Variants in FBXO39 observed in about 807,000 individuals in gnomAD.
The protein encoded by FBXO39 is F-box only protein 39.
FBXO39 carries 22 observed loss-of-function variants against 36.6 expected under a neutral mutation model. That is an observed-to-expected ratio of 0.60 (90% CI 0.43 to 0.86). FBXO39 has a LOEUF of 0.86. FBXO39 is among the 40% of genes least tolerant of loss of function. FBXO39 has a pLI of 0.00. For missense variants in FBXO39, 536 were observed against 543.9 expected, an observed-to-expected ratio of 0.99 and a Z score of 0.14; for synonymous variants, 206 against 205.8, an observed-to-expected ratio of 1.00 and a Z score of -0.01.
rs1976590450 is a variant in FBXO39 at position 6,787,453 on chromosome 17, C to G, written c.*25C>G. ...ATGAGCACTCTACAGATGAAGAAAG[C>G]TGGGAGCACTTTGAACTTGAAAATC... is the stretch of plus-strand genomic sequence containing the variant. On this transcript the variant is annotated 3_prime_UTR_variant, in exon 4 of 4. Transcript: ENST00000321535. The G allele has an allele frequency of 6.2e-7, 1 of 1,612,340 alleles. No homozygotes were observed. Among genetic ancestry groups the G allele is most frequent in the East Asian group, 2.2e-5 (1 of 44,848 alleles).
chr17:6,780,513 G>C lies in FBXO39; in HGVS notation c.645G>C (p.Gln215His), dbSNP rs1246341334. The C allele has an allele frequency of 6.2e-7, 1 of 1,614,098 alleles. No individual in the cohort carries two copies. ...ACCTTGCTGTCTACAACAGCCCCCAGTTCAAAAAGACCATGTCCACATTCC... is the reference window on the plus strand; with the variant it reads ...ACCTTGCTGTCTACAACAGCCCCCACTTCAAAAAGACCATGTCCACATTCC... The part of the protein sequence containing the change: ...SHHLAVYNSP[Q>H]FKKTMSTFHN... Residue 215 changes from glutamine to histidine, a missense_variant, in exon 2 of 4, where the codon CAG (glutamine) becomes CAC (histidine). By Grantham distance (24) the Gln-to-His change is conservative. Transcript: ENST00000321535.
chr17:6,780,103 G>C lies in FBXO39; in HGVS notation c.235G>C (p.Val79Leu), dbSNP rs752366449. 4.3e-5 allele frequency: 70 copies of C among 1,614,100 alleles called. No homozygotes were observed. The highest frequency in any genetic ancestry group is 5.8e-5 in the Non-Finnish European group (68 of 1,180,054). Reference sequence around the variant, plus strand: ...ACATGCATCTGAAGTTGAGTCAGCTGTTTGGTATGTTAAGAAGTTTGGTCG... The same window carrying C: ...ACATGCATCTGAAGTTGAGTCAGCTCTTTGGTATGTTAAGAAGTTTGGTCG... The part of the protein sequence containing the change: ...RVHASEVESA[V>L]WYVKKFGRYL... Residue 79 changes from valine to leucine, a missense_variant, in exon 2 of 4, where the codon GTT becomes CTT. Physicochemically the swap from Val to Leu is conservative, Grantham distance 32. Transcript: ENST00000321535.
In FBXO39 at chr17:6,787,521, T is replaced by C; in HGVS notation, c.*93T>C. 2 of 1,463,012 alleles carry C rather than the reference T, an allele frequency of 1.4e-6. No individual in the cohort carries two copies. Among genetic ancestry groups the C allele is most frequent in the Non-Finnish European group, 9.2e-7 (1 of 1,082,532 alleles). 90.6% of individuals were successfully genotyped at this position (1,463,012 alleles called of 1,614,324 possible). A position where few individuals can be genotyped will look rare whatever the true frequency, so the allele number is the denominator to read the frequency against. On this transcript the variant is annotated 3_prime_UTR_variant, in exon 4 of 4. Coordinates refer to ENST00000321535, the MANE Select transcript of FBXO39 (RefSeq NM_153230.3). ...ACTTGGGCACTGCCGGCCCTTTTGC[T>C]CCTCTCTCTCCCCTCCACTTTTTTT...
At chr17:6,785,997 G>A (rs1976565590) in intron 2 of FBXO39, among the ~76,000 whole-genome samples, 1 of 152,180 alleles carries the variant, frequency 6.6e-6, no homozygotes, top group Non-Finnish European at 1.5e-5. Context: ...CAATCCCACT[G>A]CTAGGTGTAT....
rs1452655136 is a variant in FBXO39, at chr17:6,780,231, G to C, written c.363G>C (p.Lys121Asn). The change falls in exon 2 of 4, where the codon AAG becomes AAC. Residue 121 changes from lysine (K) to asparagine (N), a missense_variant. By Grantham distance (94) the Lys-to-Asn change is moderately conservative. Transcript: ENST00000321535. ...GGGGCCTCCTGTCTTGTCTGAGTAA[G>C]AGCAACAACCGTCTGAAATCTCTTT... ...TMRGLLSCLS[K>N]SNNRLKSLSI... 14 of 1,614,070 alleles carry C rather than the reference G, an allele frequency of 8.7e-6. No homozygotes were observed. Among genetic ancestry groups the C allele is most frequent in the Middle Eastern group, 3.3e-4 (2 of 6,084 alleles).
At chr17:6,782,508 A>G (rs1446497036) in intron 2 of FBXO39, among the ~76,000 whole-genome samples, 2 of 152,168 alleles carry the variant, frequency 1.3e-5, no homozygotes, top group Admixed American at 6.5e-5. Context: ...GAAAGACTCA[A>G]TTATCTGCTG....
chr17:6,776,798 A>G (rs1479505118), intron 1 of FBXO39, among the ~76,000 whole-genome samples: 3 of 152,092 alleles, frequency 2.0e-5, no homozygotes, highest in Non-Finnish European at 4.4e-5. Context: ...GAAAGGCACT[A>G]TTATTACCCC....
intron 1 of FBXO39, among the ~76,000 whole-genome samples, chr17:6,778,016 G>A (rs2151572323): frequency 6.6e-6 from 1 of 152,266 alleles, no homozygotes; most frequent in Non-Finnish European, 1.5e-5. Context: ...GCCCACAACT[G>A]TGCTTACTTG....
chr17:6,783,162 G>C (rs1353291054), intron 2 of FBXO39, among the ~76,000 whole-genome samples: 1 of 152,096 alleles, frequency 6.6e-6, no homozygotes, highest in Non-Finnish European at 1.5e-5. Flanking sequence ...ATATGCTCCT[G>C]AATGACCAGT....
In FBXO39 at chr17:6,780,037, C is replaced by T. The variant is rs200419578; in HGVS notation, c.169C>T (p.Arg57Trp). ...NQMMYSAELW[R>W]YRTITFSGRP... ...GATGATGTATTCTGCTGAGCTCTGGCGGTACAGAACCATCACCTTCAGCGG... is the reference window on the plus strand; with the variant it reads ...GATGATGTATTCTGCTGAGCTCTGGTGGTACAGAACCATCACCTTCAGCGG... The change falls in exon 2 of 4, where the codon CGG (arginine) becomes TGG (tryptophan). Residue 57 changes from arginine to tryptophan, a missense_variant. Arg to Trp is a moderately radical substitution (Grantham distance 101). Coordinates refer to ENST00000321535, the MANE Select transcript of FBXO39 (RefSeq NM_153230.3). 1.8e-5 allele frequency: 29 copies of T among 1,614,064 alleles called. No homozygotes were observed. Among genetic ancestry groups the T allele is most frequent in the African/African-American group, 9.3e-5 (7 of 74,920 alleles).
At chr17:6,782,229 C>T (rs889820053) in intron 2 of FBXO39, among the ~76,000 whole-genome samples, 2 of 152,028 alleles carry the variant, frequency 1.3e-5, no homozygotes, top group Admixed American at 1.3e-4. Context: ...TAATGAGTTA[C>T]AAGATATTGT....
intron 2 of FBXO39, among the ~76,000 whole-genome samples, chr17:6,782,686 T>C (rs1317438511): frequency 2.0e-5 from 3 of 152,124 alleles, no homozygotes; most frequent in African/African-American, 7.2e-5. Flanking sequence ...AGAGTCATTA[T>C]ATAATAATAA....
Position 6,780,524 on chromosome 17 carries a change from C to CCA in FBXO39, c.657_658dup (p.Met220ThrfsTer11). On this transcript the variant is annotated frameshift_variant, in exon 2 of 4. Transcript: ENST00000321535. LOFTEE classifies it high-confidence loss of function. ...TACAACAGCCCCCAGTTCAAAAAGA[C>CCA]CATGTCCACATTCCACAATCTTGTG... 2 of 1,614,132 alleles carry CCA rather than the reference C, an allele frequency of 1.2e-6. No homozygotes were observed. The highest frequency in any genetic ancestry group is 4.5e-5 in the East Asian group (2 of 44,876).
Position 6,779,799 on chromosome 17 carries a change from A to AC in FBXO39, c.-70_-69insC, listed in dbSNP as rs1976480460. Reference sequence around the variant, plus strand: ...TTTTATTCCCCACAGAAAGCAAGTGATTGCTTTCCTTTCCTCATTTTTGGA... The same window carrying AC: ...TTTTATTCCCCACAGAAAGCAAGTGACTTGCTTTCCTTTCCTCATTTTTGGA... On this transcript the variant is annotated 5_prime_UTR_variant, in exon 2 of 4. The change creates a premature stop within an existing upstream ORF in the 5' untranslated region. Coordinates refer to ENST00000321535, the MANE Select transcript of FBXO39 (RefSeq NM_153230.3). The AC allele has an allele frequency of 6.9e-7, 1 of 1,455,698 alleles. No individual in the cohort carries two copies. 90.2% of individuals were successfully genotyped at this position (1,455,698 alleles called of 1,614,324 possible).
chr17:6,780,351 C>G lies in FBXO39; in HGVS notation c.483C>G (p.Gly161=). The change falls in exon 2 of 4, where the codon GGC becomes GGG. Residue 161 remains glycine, a synonymous_variant. Coordinates refer to ENST00000321535, the MANE Select transcript of FBXO39 (RefSeq NM_153230.3). The part of the protein sequence containing the change: ...SSLSFFLKKM[G]KRLDYLNLKG... ...TGAGCTTCTTCTTAAAGAAGATGGGCAAACGCCTGGATTATCTCAACCTAA... is the reference window on the plus strand; with the variant it reads ...TGAGCTTCTTCTTAAAGAAGATGGGGAAACGCCTGGATTATCTCAACCTAA... 1 of 1,614,106 alleles carries G rather than the reference C, an allele frequency of 6.2e-7. No homozygotes were observed. Among genetic ancestry groups the G allele is most frequent in the Non-Finnish European group, 8.5e-7 (1 of 1,180,040 alleles).
chr17:6,780,961 C>G, intron 2 of FBXO39, 70 bp downstream of exon 2: 1 of 1,479,850 alleles, frequency 6.8e-7, no homozygotes, highest in Admixed American at 1.9e-5. Flanking sequence ...CCCACTGCTG[C>G]CTGCTCTTGG....
chr17:6,780,640 T>A lies in FBXO39; in HGVS notation c.772T>A (p.Cys258Ser). ...CACCCTCCGGACCATCAACATCAAATGCCACGTTCATGACCCCCACGGACA... is the reference window on the plus strand; with the variant it reads ...CACCCTCCGGACCATCAACATCAAAAGCCACGTTCATGACCCCCACGGACA... Reference protein sequence around the residue: ...ASTLRTINIKCHVHDPHGQVI... With the variant: ...ASTLRTINIKSHVHDPHGQVI... Residue 258 changes from cysteine to serine, a missense_variant, in exon 2 of 4, where the codon TGC (cysteine) becomes AGC (serine). Coordinates refer to ENST00000321535, the MANE Select transcript of FBXO39 (RefSeq NM_153230.3). 1 of 1,614,134 alleles carries A rather than the reference T, an allele frequency of 6.2e-7. No homozygotes were observed. Among genetic ancestry groups the A allele is most frequent in the Non-Finnish European group, 8.5e-7 (1 of 1,180,026 alleles).
rs1311807573 is a variant in FBXO39 at position 6,780,812 on chromosome 17, G to C, written c.944G>C (p.Ser315Thr). Residue 315 changes from serine to threonine, a missense_variant, in exon 2 of 4, where the codon AGC becomes ACC. Ser to Thr is a moderately conservative substitution (Grantham distance 58). Transcript: ENST00000321535. ...CCGATCAGGAGCATCAGTCTGAGAAGCTGCTATTTCAGTGACCCAGACTGT... is the reference window on the plus strand; with the variant it reads ...CCGATCAGGAGCATCAGTCTGAGAACCTGCTATTTCAGTGACCCAGACTGT... ...EIPIRSISLRSCYFSDPDCSM... is the reference protein window; with the variant it reads ...EIPIRSISLRTCYFSDPDCSM... 7 of 1,613,940 alleles carry C rather than the reference G, an allele frequency of 4.3e-6. No homozygotes were observed. The Admixed American group carries it at 1.2e-4, about 27-fold the overall frequency.
At chr17:6,778,753 A>T (rs1048156933) in intron 1 of FBXO39, among the ~76,000 whole-genome samples, 1 of 152,220 alleles carries the variant, frequency 6.6e-6, no homozygotes, top group Non-Finnish European at 1.5e-5. Context: ...AGTTTAGCAG[A>T]TGGCTATAAA....
Sources: allele counts gnomAD v4.1 joint callset (sites outside exome capture counted in the v4.1 genomes callset), GRCh38; gene constraint gnomAD v4.1.1; transcripts MANE v1.5; gene names NCBI Gene and HGNC (gene_info 2026-07-23, HGNC 2026-07-21).